The following MALT1 variants were observed in gnomAD, a reference collection of about 807,000 sequenced individuals.
The protein encoded by MALT1 is MALT1 paracaspase.
In MALT1, 36 loss-of-function variants were observed where a neutral mutation model predicts 85.5. The observed-to-expected ratio is 0.42, with a 90% CI of 0.32 to 0.56. The LOEUF (loss-of-function observed/expected upper bound fraction) is 0.56, where lower values mean the gene tolerates loss of function less well. Ranked by LOEUF, MALT1 falls within the 20% of genes least tolerant of loss-of-function variation. The probability of loss-of-function intolerance (pLI) is 0.10; values close to 1 mark genes in which losing one functional copy is unlikely to be tolerated. For missense variants in MALT1, 716 were observed against 981.6 expected (o/e 0.73, Z 3.62); for synonymous variants, 359 against 361.3 (o/e 0.99, Z 0.07).
intron 3 of MALT1, among the ~76,000 whole-genome samples, chr18:58,699,589 T>A: frequency 6.6e-6 from 1 of 152,224 alleles, no homozygotes; most frequent in East Asian, 1.9e-4. Flanking sequence ...AATATTTGCA[T>A]TGTATACTTA....
intron 10 of MALT1, among the ~76,000 whole-genome samples, chr18:58,732,070 G>A (rs1031914109): frequency 6.6e-6 from 1 of 152,064 alleles, no homozygotes; most frequent in Non-Finnish European, 1.5e-5. Flanking sequence ...TCTCAAAGCC[G>A]CATTCTCTGC....
chr18:58,705,773 C>T (rs184285725), intron 4 of MALT1, among the ~76,000 whole-genome samples: 76 of 152,112 alleles, frequency 5.0e-4, no homozygotes, highest in African/African-American at 1.6e-3. Flanking sequence ...TGAATAATGC[C>T]GCAGTAAACA....
At chr18:58,681,766 A>C (rs1402254219) in intron 2 of MALT1, among the ~76,000 whole-genome samples, 1 of 152,196 alleles carries the variant, frequency 6.6e-6, no homozygotes, top group African/African-American at 2.4e-5. Context: ...AAGTATGACA[A>C]ATGTTTAAGT....
At chr18:58,707,022 C>CA (rs2054761705) in intron 4 of MALT1, among the ~76,000 whole-genome samples, 2 of 151,276 alleles carry the variant, frequency 1.3e-5, no homozygotes. Context: ...CTTGTAAGCT[C>CA]TTTTTTTTTC....
rs2055420476 is a variant in MALT1, at chr18:58,749,689, C to A, written c.*1847C>A. On this transcript the variant is annotated 3_prime_UTR_variant, in exon 17 of 17. Transcript: ENST00000649217. Reference sequence around the variant, plus strand: ...CCTTGAATAATGAGGATCAACTGTACCATATTTAATAAAGCACAAAACCCA... The same window carrying A: ...CCTTGAATAATGAGGATCAACTGTAACATATTTAATAAAGCACAAAACCCA... The A allele has an allele frequency of 4.5e-6, 1 of 220,526 alleles. No individual in the cohort carries two copies. The highest frequency in any genetic ancestry group is 1.8e-4 in the South Asian group (1 of 5,436). 13.7% of individuals were successfully genotyped at this position (220,526 alleles called of 1,614,324 possible).
At chr18:58,726,847 G>A (rs1172381210) in intron 10 of MALT1, among the ~76,000 whole-genome samples, 1 of 152,190 alleles carries the variant, frequency 6.6e-6, no homozygotes, top group African/African-American at 2.4e-5. Flanking sequence ...AGTCTTGTCG[G>A]AATATGGCAA....
At chr18:58,694,241 C>T (rs1404006700) in intron 2 of MALT1, among the ~76,000 whole-genome samples, 1 of 152,212 alleles carries the variant, frequency 6.6e-6, no homozygotes, top group Non-Finnish European at 1.5e-5. Context: ...TCGAGGCCCT[C>T]AAATGTGCTA....
chr18:58,726,445 G>A (rs1306099141), intron 10 of MALT1, among the ~76,000 whole-genome samples: 1 of 152,172 alleles, frequency 6.6e-6, no homozygotes, highest in Non-Finnish European at 1.5e-5. Context: ...CTCAGTGCTT[G>A]AGGGCTGTGG....
intron 1 of MALT1, chr18:58,677,474 A>ACAAAATTAGTAAT: frequency 6.6e-6 from 1 of 152,178 alleles, no homozygotes; most frequent in Non-Finnish European, 1.5e-5. Flanking sequence ...CTAATTATTT[A>ACAAAATTAGTAAT]CAAAATTAGT....
intron 10 of MALT1, among the ~76,000 whole-genome samples, chr18:58,724,631 G>A (rs146663606): frequency 5.3e-5 from 8 of 152,222 alleles, no homozygotes; most frequent in East Asian, 1.9e-4. Flanking sequence ...ATGAGGGGTC[G>A]CAGTTAAAAC....
chr18:58,695,708 G>A (rs533699928), intron 2 of MALT1, among the ~76,000 whole-genome samples: 2 of 152,270 alleles, frequency 1.3e-5, no homozygotes, highest in Admixed American at 1.3e-4. Context: ...TTCTGATGAA[G>A]GTTTTCTTGC....
chr18:58,739,009 C>A (rs928141318), intron 13 of MALT1, among the ~76,000 whole-genome samples: 13 of 152,044 alleles, frequency 8.6e-5, no homozygotes, highest in African/African-American at 3.1e-4. Context: ...TAAGGAAGTT[C>A]TCTTAATTTT....
intron 1 of MALT1, 30 bp downstream of exon 1, chr18:58,671,882 C>T (rs1035857224): frequency 6.5e-5 from 78 of 1,208,082 alleles, no homozygotes; most frequent in Middle Eastern, 6.5e-4. Flanking sequence ...AGGCCGGGCG[C>T]GCGGGTCGAG....
chr18:58,709,978 G>A lies in MALT1; in HGVS notation c.831G>A (p.Val277=). ...TACATGTTCTAATATTGATATAGGT[G>A]CCTTATGTGGATTTGGAACACCAAG... ...LTHETKKLYM[V]PYVDLEHQGT... Residue 277 remains valine (V), a splice_region_variant and synonymous_variant, in exon 6 of 17, where the codon GTG becomes GTA. Transcript: ENST00000649217. 1.3e-6 allele frequency: 2 copies of A among 1,590,852 alleles called. No homozygotes were observed. Among genetic ancestry groups the A allele is most frequent in the East Asian group, 2.2e-5 (1 of 44,624 alleles).
In MALT1 at chr18:58,749,537, ACATG is replaced by A; in HGVS notation, c.*1696_*1699del. The A allele has an allele frequency of 4.6e-6, 1 of 217,646 alleles. No individual in the cohort carries two copies. Among genetic ancestry groups the A allele is most frequent in the Middle Eastern group, 1.4e-3 (1 of 714 alleles). 13.5% of individuals were successfully genotyped at this position (217,646 alleles called of 1,614,324 possible). A position where few individuals can be genotyped will look rare whatever the true frequency, so the allele number is the denominator to read the frequency against. On this transcript the variant is annotated 3_prime_UTR_variant, in exon 17 of 17. Transcript: ENST00000649217. ...TCATCTTGTTCAGCCTCAGCTGGGAACATGTGTACTGGGTGACTCAAATTTTTCA... is the reference window on the plus strand; with the variant it reads ...TCATCTTGTTCAGCCTCAGCTGGGAATGTACTGGGTGACTCAAATTTTTCA...
chr18:58,728,628 T>A (rs1202244199), intron 10 of MALT1, among the ~76,000 whole-genome samples: 1 of 152,150 alleles, frequency 6.6e-6, no homozygotes, highest in Non-Finnish European at 1.5e-5. Context: ...AATAAATTTT[T>A]TAAAAAAATG....
intron 4 of MALT1, among the ~76,000 whole-genome samples, chr18:58,701,394 T>C (rs1228873044): frequency 1.3e-5 from 2 of 152,256 alleles, no homozygotes; most frequent in Non-Finnish European, 2.9e-5. Flanking sequence ...CATACTTTTA[T>C]GACTCTTTCA....
At chr18:58,727,628 G>GTTTTTTTTTTTTTT (rs74183292) in intron 10 of MALT1, among the ~76,000 whole-genome samples, 11 of 130,644 alleles carry the variant, frequency 8.4e-5, no homozygotes, top group African/African-American at 2.1e-4. Flanking sequence ...TTTTTTTTTT[G>GTTTTTTTTTTTTTT]TTTTTTTTTT....
At chr18:58,736,250 TTTA>T (rs1261771715) in intron 13 of MALT1, among the ~76,000 whole-genome samples, 1 of 152,230 alleles carries the variant, frequency 6.6e-6, no homozygotes, top group Admixed American at 6.5e-5. Flanking sequence ...GTCAGCCATA[TTTA>T]TTTTCATGTT....
Sources: gnomAD v4.1 joint callset for allele counts (sites outside exome capture counted in the v4.1 genomes callset) on GRCh38, gnomAD v4.1.1 for gene constraint, MANE v1.5 for transcripts, NCBI Gene and HGNC (gene_info 2026-07-23, HGNC 2026-07-21) for gene names.